L3MBTL4: variants seen among roughly 807,000 people sequenced by gnomAD.
L3MBTL4 encodes L3MBTL histone methyl-lysine binding protein 4.
L3MBTL4 carries 70 observed loss-of-function variants against 84.5 expected under a neutral mutation model. The ratio of observed to expected loss-of-function variants is 0.83; its 90% CI spans 0.68 to 1.01. L3MBTL4 has a LOEUF of 1.01. Ranked by LOEUF, L3MBTL4 falls within the 50% of genes least tolerant of loss-of-function variation. The pLI is 0.00. For missense variants in L3MBTL4, 715 were observed against 754.8 expected (o/e 0.95, Z 0.62); for synonymous variants, 274 against 259.8 (o/e 1.05, Z -0.52).
chr18:6,033,175 A>G (rs927642796), intron 16 of L3MBTL4, among the ~76,000 whole-genome samples: 7 of 152,170 alleles, frequency 4.6e-5, no homozygotes, highest in African/African-American at 1.7e-4. Context: ...TAGGTGCACA[A>G]ATGTTTATAA....
At position 6,004,997 on chromosome 18, in the gene L3MBTL4, ATTTTTTTTTTTTTT is replaced by A. The variant is rs60294342; in HGVS notation, c.1445-35449_1445-35436del. ...ACACATAAAAATGGTTAAGATGATAATTTTTTTTTTTTTTTTTTTTTTTTTTTTTTACTTTTAGT... is the reference window on the plus strand; with the variant it reads ...ACACATAAAAATGGTTAAGATGATAATTTTTTTTTTTTTTTTACTTTTAGT... On this transcript the variant is annotated intron_variant, in intron 16 of 18. Coordinates refer to ENST00000317931, the MANE Select transcript of L3MBTL4 (RefSeq NM_001330559.2). Among the ~76,000 whole-genome samples, 15 of 52,162 alleles carry A rather than the reference ATTTTTTTTTTTTTT, an allele frequency of 2.9e-4. No homozygotes were observed. In the South Asian group the frequency reaches 7.1e-3, roughly 25 times the overall value. The allele number at this position is 52,162 out of a possible 152,430, so 34.2% of individuals were successfully genotyped here. A position where few individuals can be genotyped will look rare whatever the true frequency, so the allele number is the denominator to read the frequency against.
At chr18:6,324,525 A>G (rs950176433) in intron 1 of L3MBTL4, among the ~76,000 whole-genome samples, 4 of 152,230 alleles carry the variant, frequency 2.6e-5, no homozygotes, top group African/African-American at 7.2e-5. Context: ...GGCTTGTGCT[A>G]TGACTTGCTT....
At chr18:6,140,580 C>T (rs916423675) in intron 13 of L3MBTL4, among the ~76,000 whole-genome samples, 2 of 152,092 alleles carry the variant, frequency 1.3e-5, no homozygotes, top group African/African-American at 4.8e-5. Flanking sequence ...CCAGCACTTC[C>T]CCTCCTTCCT....
At chr18:6,004,996 A>ATTTTTTTTTTTT (rs1567973105) in intron 16 of L3MBTL4, among the ~76,000 whole-genome samples, 2 of 42,000 alleles carry the variant, frequency 4.8e-5, no homozygotes, top group African/African-American at 1.1e-4. Flanking sequence ...TTAAGATGAT[A>ATTTTTTTTTTTT]ATTTTTTTTT....
Position 6,029,566 on chromosome 18 carries a change from C to T in L3MBTL4, c.1444+51315G>A, listed in dbSNP as rs990423452. 1.4e-5 allele frequency: 14 copies of T among 985,138 alleles called. No homozygotes were observed. In the African/African-American group the frequency reaches 2.3e-4, roughly 16 times the overall value. 61.0% of individuals were successfully genotyped at this position (985,138 alleles called of 1,614,324 possible). The stretch of plus-strand genomic sequence containing the variant: ...GAAATACGTCCATTTATTGCAGCAA[C>T]AAAAACGATAAACTGCTTAGGAATA... On this transcript the variant is annotated intron_variant, in intron 16 of 18. Transcript: ENST00000317931.
At chr18:6,018,813 T>G (rs2055116542) in intron 16 of L3MBTL4, among the ~76,000 whole-genome samples, 1 of 152,200 alleles carries the variant, frequency 6.6e-6, no homozygotes, top group Admixed American at 6.5e-5. Flanking sequence ...GCAAAGATTC[T>G]GATTAGCACA....
chr18:5,964,037 C>G (rs2052203277), intron 17 of L3MBTL4, among the ~76,000 whole-genome samples: 1 of 152,172 alleles, frequency 6.6e-6, no homozygotes, highest in Non-Finnish European at 1.5e-5. Flanking sequence ...CTGGGCAGTG[C>G]CTGGTGGCAT....
chr18:6,317,067 T>C (rs1422788012), intron 1 of L3MBTL4, among the ~76,000 whole-genome samples: 1 of 152,156 alleles, frequency 6.6e-6, no homozygotes, highest in African/African-American at 2.4e-5. Flanking sequence ...TCAAGAGATC[T>C]CTGCCATTCC....
intron 16 of L3MBTL4, among the ~76,000 whole-genome samples, chr18:6,077,523 T>C (rs1051759788): frequency 6.6e-6 from 1 of 152,182 alleles, no homozygotes; most frequent in Non-Finnish European, 1.5e-5. Flanking sequence ...ATTTTTATTA[T>C]ATATGCCAAG....
At chr18:6,410,854 A>G (rs531732415) in intron 1 of L3MBTL4, among the ~76,000 whole-genome samples, 3 of 152,018 alleles carry the variant, frequency 2.0e-5, no homozygotes, top group African/African-American at 7.2e-5. Flanking sequence ...CAGCCTCATT[A>G]AGAGAATGTT....
At chr18:6,185,871 A>T (rs1041167148) in intron 12 of L3MBTL4, among the ~76,000 whole-genome samples, 1 of 152,178 alleles carries the variant, frequency 6.6e-6, no homozygotes, top group Admixed American at 6.5e-5. Context: ...CAAGTTCAGC[A>T]AGGCAGCCAC....
At chr18:6,127,153 C>A (rs1054972218) in intron 14 of L3MBTL4, among the ~76,000 whole-genome samples, 3 of 152,214 alleles carry the variant, frequency 2.0e-5, no homozygotes, top group Non-Finnish European at 4.4e-5. Flanking sequence ...CCAAACTAAA[C>A]ACAAAGTAAA....
chr18:6,325,497 T>C (rs2051668224), intron 1 of L3MBTL4, among the ~76,000 whole-genome samples: 1 of 152,104 alleles, frequency 6.6e-6, no homozygotes, highest in Non-Finnish European at 1.5e-5. Flanking sequence ...ATACTACCAT[T>C]TTTAAAATAC....
chr18:6,370,768 G>A (rs918582347), intron 1 of L3MBTL4, among the ~76,000 whole-genome samples: 1 of 152,144 alleles, frequency 6.6e-6, no homozygotes, highest in African/African-American at 2.4e-5. Context: ...AGTTGACAGG[G>A]ACAGGGCTGA....
intron 12 of L3MBTL4, among the ~76,000 whole-genome samples, chr18:6,196,379 G>A (rs756291169): frequency 8.6e-5 from 13 of 152,018 alleles, no homozygotes; most frequent in South Asian, 2.1e-4. Context: ...GGATGGTCTT[G>A]ATCTCCTGAC....
At chr18:6,014,008 A>G (rs2054850910) in intron 16 of L3MBTL4, among the ~76,000 whole-genome samples, 2 of 152,144 alleles carry the variant, frequency 1.3e-5, no homozygotes, top group Admixed American at 1.3e-4. Context: ...TGTGGCTGGC[A>G]ATGAGAAGAC....
chr18:6,368,242 G>A (rs1002006835), intron 1 of L3MBTL4, among the ~76,000 whole-genome samples: 4 of 151,714 alleles, frequency 2.6e-5, no homozygotes, highest in East Asian at 3.9e-4. Context: ...TGAGGCGGCC[G>A]TCGGTGCTTA....
chr18:6,034,618 G>T (rs1408025339), intron 16 of L3MBTL4, among the ~76,000 whole-genome samples: 1 of 152,188 alleles, frequency 6.6e-6, no homozygotes, highest in Non-Finnish European at 1.5e-5. Flanking sequence ...ACGTGTGCAT[G>T]TGTCTTTATA....
intron 16 of L3MBTL4, among the ~76,000 whole-genome samples, chr18:6,002,370 G>A (rs1361237382): frequency 1.3e-5 from 2 of 152,030 alleles, no homozygotes; most frequent in East Asian, 1.9e-4. Context: ...AAGTTCTCTG[G>A]TAAACAAAAA....
Sources: gnomAD v4.1 joint callset for allele counts (sites outside exome capture counted in the v4.1 genomes callset) on GRCh38, gnomAD v4.1.1 for gene constraint, MANE v1.5 for transcripts, NCBI Gene and HGNC (gene_info 2026-07-23, HGNC 2026-07-21) for gene names.